Variants in LARGE1 observed in about 807,000 individuals in gnomAD.
LARGE1 encodes LARGE xylosyl- and glucuronyltransferase 1.
Under a neutral mutation model 87.6 loss-of-function variants are expected in LARGE1, and 43 were observed. That is an observed-to-expected ratio of 0.49 (90% CI 0.38 to 0.63). The LOEUF (loss-of-function observed/expected upper bound fraction) is 0.63, where lower values mean the gene tolerates loss of function less well. Among genes scored for constraint, LARGE1 ranks in the 30% least tolerant of loss-of-function variants. LARGE1 has a pLI of 0.00. For synonymous variants in LARGE1, 434 were observed against 394.6 expected, an observed-to-expected ratio of 1.10 and a Z score of -1.18; for missense variants, 802 against 1,000.2, an observed-to-expected ratio of 0.80 and a Z score of 2.67.
chr22:33,539,653 G>A (rs1322489691), intron 6 of LARGE1, among the ~76,000 whole-genome samples: 1 of 149,724 alleles, frequency 6.7e-6, no homozygotes, highest in Admixed American at 6.7e-5. Flanking sequence ...GCAGTGACAC[G>A]ATCACAGCTC....
chr22:33,695,197 G>A (rs1351661295), intron 2 of LARGE1, among the ~76,000 whole-genome samples: 6 of 149,952 alleles, frequency 4.0e-5, no homozygotes, highest in East Asian at 2.0e-4. Context: ...TCTGCCTCCC[G>A]GGTTCAAGTG....
At chr22:33,703,047 T>C (rs1016729627) in intron 2 of LARGE1, among the ~76,000 whole-genome samples, 2 of 152,124 alleles carry the variant, frequency 1.3e-5, no homozygotes, top group African/African-American at 4.8e-5. Context: ...TGCAGGGACA[T>C]TGATGAAGCT....
intron 5 of LARGE1, among the ~76,000 whole-genome samples, chr22:33,566,526 T>C (rs1323393022): frequency 2.0e-5 from 3 of 152,184 alleles, no homozygotes; most frequent in African/African-American, 4.8e-5. Context: ...CTGTGGACCT[T>C]TGTGGTGAGT....
rs540312908 is a variant in LARGE1, at chr22:33,686,268, G to A, written c.107-35600C>T. Among the ~76,000 whole-genome samples, 573 of 151,894 alleles carry A rather than the reference G, an allele frequency of 3.8e-3. 3 individuals are homozygous for A. Among genetic ancestry groups the A allele is most frequent in the African/African-American group, 0.013 (546 of 41,430 alleles). On this transcript the variant is annotated intron_variant, in intron 2 of 14. Coordinates refer to ENST00000397394, the MANE Select transcript of LARGE1 (RefSeq NM_133642.5). ...AGCTTAGGATTGTTTCTGTCTGACC[G>A]CCCTCTTTCCCTGGTGTACCCAATC...
intron 11 of LARGE1, among the ~76,000 whole-genome samples, chr22:33,218,195 G>A (rs1265425104): frequency 1.3e-5 from 2 of 152,146 alleles, no homozygotes; most frequent in African/African-American, 4.8e-5. Context: ...CTCCCAAAGT[G>A]CTGGGATTAC....
intron 1 of LARGE1, among the ~76,000 whole-genome samples, chr22:33,852,299 C>T (rs1011486858): frequency 3.9e-5 from 6 of 152,170 alleles, no homozygotes; most frequent in African/African-American, 1.2e-4. Context: ...GAAACCGATG[C>T]TCCCAGATGA....
In LARGE1 at chr22:33,579,970, G is replaced by A. The variant is rs992474481; in HGVS notation, c.616-14951C>T. 3.3e-5 allele frequency among the ~76,000 whole-genome samples: 5 copies of A among 152,122 alleles called. No homozygotes were observed. The South Asian group carries it at 8.3e-4, about 25-fold the overall frequency. ...TTTAATCCCCTGGGAATATTTAAGC[G>A]TCCTTGATCTGGAAGCAACATGGAA... is the stretch of plus-strand genomic sequence containing the variant. On this transcript the variant is annotated intron_variant, in intron 5 of 14. Coordinates refer to ENST00000397394, the MANE Select transcript of LARGE1 (RefSeq NM_133642.5).
intron 11 of LARGE1, among the ~76,000 whole-genome samples, chr22:33,253,521 G>A (rs886913302): frequency 6.6e-5 from 10 of 152,186 alleles, no homozygotes; most frequent in African/African-American, 2.4e-4. Context: ...AGACCAGCCT[G>A]GCCAACATGG....
intron 2 of LARGE1, among the ~76,000 whole-genome samples, chr22:33,745,900 G>A (rs543502132): frequency 6.6e-4 from 100 of 152,236 alleles, no homozygotes; most frequent in South Asian, 1.9e-3. Context: ...TCCCTGTGGA[G>A]AACTAACCAG....
At chr22:33,497,545 T>G (rs2070199529) in intron 6 of LARGE1, among the ~76,000 whole-genome samples, 1 of 152,212 alleles carries the variant, frequency 6.6e-6, no homozygotes, top group African/African-American at 2.4e-5. Flanking sequence ...AGTCTTGTGC[T>G]TCAGTAGAGA....
intron 6 of LARGE1, among the ~76,000 whole-genome samples, chr22:33,434,406 C>T (rs2067190809): frequency 6.6e-6 from 1 of 152,130 alleles, no homozygotes; most frequent in African/African-American, 2.4e-5. Flanking sequence ...GTTCAAGTAA[C>T]TCCCCTGCCT....
chr22:33,086,268 A>C, the LARGE1 span, among the ~76,000 whole-genome samples: 6,308 of 152,268 alleles, frequency 0.041, 329 homozygotes, highest in East Asian at 0.26. Flanking sequence ...CATCTAAGTA[A>C]AATTATTCTT....
At chr22:33,118,165 A>G in the LARGE1 span, among the ~76,000 whole-genome samples, 1 of 152,106 alleles carries the variant, frequency 6.6e-6, no homozygotes, top group African/African-American at 2.4e-5. Flanking sequence ...TCTCAGGAGG[A>G]GGCAGTTGGA....
chr22:33,768,080 C>T (rs1427545239), intron 1 of LARGE1, among the ~76,000 whole-genome samples: 2 of 152,238 alleles, frequency 1.3e-5, no homozygotes, highest in Non-Finnish European at 2.9e-5. Context: ...GAGGCCGAGG[C>T]AGGCGAATCA....
intron 6 of LARGE1, among the ~76,000 whole-genome samples, chr22:33,529,641 G>C (rs1237611499): frequency 2.0e-5 from 3 of 152,198 alleles, no homozygotes; most frequent in Non-Finnish European, 2.9e-5. Context: ...GTGAAACGAA[G>C]GCAGGGGATC....
At chr22:33,266,330 T>C (rs368543959) in intron 11 of LARGE1, among the ~76,000 whole-genome samples, 7 of 150,190 alleles carry the variant, frequency 4.7e-5, no homozygotes, top group African/African-American at 1.5e-4. Context: ...CAAGCGATTA[T>C]CCTGCCTCAG....
chr22:33,832,058 G>T (rs1183336801), intron 1 of LARGE1, among the ~76,000 whole-genome samples: 2 of 152,204 alleles, frequency 1.3e-5, no homozygotes, highest in Non-Finnish European at 2.9e-5. Flanking sequence ...CAGCTTTCAA[G>T]ATTCAGGAAT....
intron 7 of LARGE1, among the ~76,000 whole-genome samples, chr22:33,395,850 G>A (rs2065722564): frequency 6.6e-6 from 1 of 152,354 alleles, no homozygotes; most frequent in South Asian, 2.1e-4. Context: ...ATAAGTGTAG[G>A]AGATGATTGA....
intron 9 of LARGE1, among the ~76,000 whole-genome samples, chr22:33,352,269 C>T (rs1413770858): frequency 2.0e-5 from 3 of 152,094 alleles, no homozygotes; most frequent in Non-Finnish European, 2.9e-5. Flanking sequence ...AACTACCTGA[C>T]CAGTACTCCA....
Sources: allele counts gnomAD v4.1 joint callset (sites outside exome capture counted in the v4.1 genomes callset), GRCh38; gene constraint gnomAD v4.1.1; transcripts MANE v1.5; gene names NCBI Gene and HGNC (gene_info 2026-07-23, HGNC 2026-07-21).